DCX: variants seen among roughly 807,000 people sequenced by gnomAD.
DCX encodes doublecortin.
DCX carries 4 observed loss-of-function variants against 20.9 expected under a neutral mutation model. The observed-to-expected ratio is 0.19, with a 90% CI of 0.09 to 0.44. The LOEUF (loss-of-function observed/expected upper bound fraction) is 0.44. Among genes scored for constraint, DCX ranks in the 20% least tolerant of loss-of-function variants. The pLI is 0.99. For missense variants in DCX, 133 were observed against 296.9 expected, an observed-to-expected ratio of 0.45 and a Z score of 4.06; for synonymous variants, 103 against 111.4, an observed-to-expected ratio of 0.92 and a Z score of 0.47.
intron 3 of DCX, among the ~76,000 whole-genome samples, chrX:111,397,868 T>C (rs1463741867): frequency 1.8e-5 from 2 of 110,789 alleles, no homozygotes; most frequent in African/African-American, 3.3e-5. Context: ...TGTGTGTGTA[T>C]ATTTCATTAA....
At chrX:111,315,942 G>T (rs1315591538) in intron 5 of DCX, among the ~76,000 whole-genome samples, 1 of 44,600 alleles carries the variant, frequency 2.2e-5, no homozygotes, top group East Asian at 7.5e-4. Context: ...GGTCGGGGGA[G>T]GGGGGAGGGA....
At chrX:111,395,767 T>C (rs938674815) in intron 3 of DCX, among the ~76,000 whole-genome samples, 3 of 112,350 alleles carry the variant, frequency 2.7e-5, no homozygotes, top group Non-Finnish European at 5.6e-5. Flanking sequence ...CAATGATAAA[T>C]GACCTCCCTC....
At chrX:111,324,028 C>T (rs1001403980) in intron 5 of DCX, among the ~76,000 whole-genome samples, 1 of 111,292 alleles carries the variant, frequency 9.0e-6, no homozygotes, top group African/African-American at 3.3e-5. Context: ...GTGTTGAACC[C>T]GGGAAGCATG....
intron 2 of DCX, among the ~76,000 whole-genome samples, chrX:111,408,741 T>C (rs1018729802): frequency 1.8e-5 from 2 of 111,652 alleles, no homozygotes; most frequent in African/African-American, 6.5e-5. Flanking sequence ...AGCAACAATA[T>C]GGACACTGTC....
At chrX:111,410,586 C>A (rs1395729967) in intron 1 of DCX, 166 bp from the exon 2 acceptor site, 5 of 845,030 alleles carry the variant, frequency 5.9e-6, no homozygotes, top group East Asian at 3.3e-5. Flanking sequence ...GCTGCTTGCC[C>A]CTGACCTGCA....
At chrX:111,344,426 G>A (rs1922597876) in intron 3 of DCX, among the ~76,000 whole-genome samples, 1 of 111,651 alleles carries the variant, frequency 9.0e-6, no homozygotes, top group Non-Finnish European at 1.9e-5. Context: ...CGGTATTCAA[G>A]TAGGAAGAGA....
At chrX:111,331,832 AT>A (rs921079139) in intron 4 of DCX, among the ~76,000 whole-genome samples, 1 of 112,174 alleles carries the variant, frequency 8.9e-6, no homozygotes, top group African/African-American at 3.2e-5. Context: ...TATTATTCTC[AT>A]TTTGCTGATG....
At chrX:111,348,135 G>A (rs1187078595) in intron 3 of DCX, among the ~76,000 whole-genome samples, 1 of 111,917 alleles carries the variant, frequency 8.9e-6, no homozygotes, top group Non-Finnish European at 1.9e-5. Flanking sequence ...GCTGGCTAAT[G>A]ACAGAGCTGA....
chrX:111,383,475 C>G (rs747071064), intron 3 of DCX, among the ~76,000 whole-genome samples: 1 of 111,864 alleles, frequency 8.9e-6, no homozygotes, highest in East Asian at 2.8e-4. Context: ...AATTTATTGA[C>G]AGAGCGGATG....
intron 3 of DCX, among the ~76,000 whole-genome samples, chrX:111,347,390 T>C (rs1268172499): frequency 1.8e-5 from 2 of 111,474 alleles, no homozygotes; most frequent in Middle Eastern, 4.2e-3. Flanking sequence ...TGGATCATTA[T>C]ATGATGAGTT....
intron 3 of DCX, among the ~76,000 whole-genome samples, chrX:111,355,665 C>T (rs1923675227): frequency 9.0e-6 from 1 of 111,244 alleles, no homozygotes; most frequent in Non-Finnish European, 1.9e-5. Flanking sequence ...AAATTCAGCT[C>T]AGAGGAGATG....
intron 3 of DCX, among the ~76,000 whole-genome samples, chrX:111,344,053 G>A (rs959921102): frequency 8.9e-6 from 1 of 111,848 alleles, no homozygotes; most frequent in East Asian, 2.8e-4. Flanking sequence ...TGAACAAGTC[G>A]GCTTCATCCT....
intron 5 of DCX, among the ~76,000 whole-genome samples, chrX:111,314,725 A>T (rs748884479): frequency 1.4e-4 from 16 of 111,926 alleles, no homozygotes; most frequent in African/African-American, 5.2e-4. Flanking sequence ...ATAAGCCCTT[A>T]AAAAAAGAAG....
chrX:111,382,968 G>A (rs755691130), intron 3 of DCX, among the ~76,000 whole-genome samples: 3 of 111,355 alleles, frequency 2.7e-5, no homozygotes, highest in Non-Finnish European at 5.7e-5. Context: ...ATTTTGTATA[G>A]AAGGATGAAT....
chrX:111,381,044 C>T (rs750697123), intron 3 of DCX, among the ~76,000 whole-genome samples: 4 of 110,687 alleles, frequency 3.6e-5, no homozygotes, highest in African/African-American at 1.3e-4. Context: ...GGTATTTTGA[C>T]TCCCAATCAA....
intron 3 of DCX, among the ~76,000 whole-genome samples, chrX:111,362,331 A>C (rs957675831): frequency 9.0e-6 from 1 of 110,691 alleles, no homozygotes; most frequent in African/African-American, 3.3e-5. Flanking sequence ...TTGCATGTCA[A>C]TTCTCTTCAA....
chrX:111,352,394 T>C lies in DCX; in HGVS notation c.706-19241A>G, dbSNP rs183510987. ...CTGACCACTCCAAGAACCAGCTCCA[T>C]CTCAGCAGGCTTCTGGGCTAAGGCA... On this transcript the variant is annotated intron_variant, in intron 3 of 6. Coordinates refer to ENST00000636035, the MANE Select transcript of DCX (RefSeq NM_001195553.2). Among the ~76,000 whole-genome samples, 55 of 112,408 alleles carry C rather than the reference T, an allele frequency of 4.9e-4. 1 individual carries two copies. In the East Asian group the frequency reaches 0.012, roughly 24 times the overall value.
chrX:111,324,029 G>A (rs147004984), intron 5 of DCX, among the ~76,000 whole-genome samples: 63 of 111,570 alleles, frequency 5.6e-4, no homozygotes, highest in African/African-American at 1.8e-3. Flanking sequence ...TGTTGAACCC[G>A]GGAAGCATGA....
chrX:111,355,480 C>T (rs778327909), intron 3 of DCX, among the ~76,000 whole-genome samples: 1 of 111,314 alleles, frequency 9.0e-6, no homozygotes, highest in South Asian at 3.8e-4. Context: ...TTAAAGATAA[C>T]ATTTGCCTTT....
Sources: allele counts gnomAD v4.1 joint callset (sites outside exome capture counted in the v4.1 genomes callset), GRCh38; gene constraint gnomAD v4.1.1; transcripts MANE v1.5; gene names NCBI Gene and HGNC (gene_info 2026-07-23, HGNC 2026-07-21).